The following FAM174C variants were observed in gnomAD, a reference collection of about 807,000 sequenced individuals.
FAM174C encodes family with sequence similarity 174 member C.
In FAM174C, 19 loss-of-function variants were observed where a neutral mutation model predicts 12.3. The ratio of observed to expected loss-of-function variants is 1.55; its 90% CI spans 1.08 to 2.27. The LOEUF (loss-of-function observed/expected upper bound fraction) is 2.27. Ranked by LOEUF, FAM174C falls within the 30% of genes most tolerant of loss-of-function variation. The pLI is 0.00. For synonymous variants in FAM174C, 147 were observed against 103.5 expected (o/e 1.42, Z -2.55); for missense variants, 239 against 190.2 (o/e 1.26, Z -1.51).
chr19:1,275,916 TCC>T, intron 1 of FAM174C, 86 bp downstream of exon 1: 1 of 1,182,056 alleles, frequency 8.5e-7, no homozygotes, highest in Non-Finnish European at 1.2e-6. Flanking sequence ...CGCGGGGTCC[TCC>T]CCTCCCTCCC....
intron 2 of FAM174C, among the ~76,000 whole-genome samples, chr19:1,278,374 T>C (rs543717862): frequency 2.6e-5 from 4 of 151,554 alleles, no homozygotes; most frequent in Non-Finnish European, 5.9e-5. Flanking sequence ...CAGGGAATGA[T>C]GGGTATGTTG....
chr19:1,277,021 T>A (rs2081418551), intron 1 of FAM174C, 162 bp from the exon 2 acceptor site: 1 of 1,117,198 alleles, frequency 9.0e-7, no homozygotes, highest in Non-Finnish European at 1.2e-6. Flanking sequence ...TGAATGGTAA[T>A]CACTTGGCGA....
chr19:1,277,011 T>TG (rs1213240219), intron 1 of FAM174C, 172 bp from the exon 2 acceptor site: 11 of 1,021,884 alleles, frequency 1.1e-5, no homozygotes, highest in Non-Finnish European at 1.5e-5. Context: ...GCCATGGGAG[T>TG]GAATGGTAAT....
rs2081428757 is a variant in FAM174C, at chr19:1,279,155, A to G, written c.*378A>G. On this transcript the variant is annotated 3_prime_UTR_variant, in exon 3 of 3. Coordinates refer to ENST00000409293, the MANE Select transcript of FAM174C (RefSeq NM_017914.4). The stretch of plus-strand genomic sequence containing the variant: ...AGCCCAGAGCCAAGGCTGGGTGGGC[A>G]GGTGACCCAAGGAACCTTTCTGGGA... 6.2e-7 allele frequency: 1 copy of G among 1,612,910 alleles called. No individual in the cohort carries two copies. The highest frequency in any genetic ancestry group is 1.3e-5 in the African/African-American group (1 of 74,938).
Position 1,278,809 on chromosome 19 carries a change from C to T in FAM174C, c.*32C>T, listed in dbSNP as rs1419385558. On this transcript the variant is annotated 3_prime_UTR_variant, in exon 3 of 3. Coordinates refer to ENST00000409293, the MANE Select transcript of FAM174C (RefSeq NM_017914.4). ...GCCAGGGAGGCGGCCCTTCCAGCAG[C>T]CATGAGGGAAGGACAGGAGATGGGG... The T allele has an allele frequency of 1.2e-6, 2 of 1,613,032 alleles. No homozygotes were observed. The highest frequency in any genetic ancestry group is 1.7e-6 in the Non-Finnish European group (2 of 1,179,902).
Position 1,278,757 on chromosome 19 carries a change from C to T in FAM174C, c.*-20C>T. 1.9e-6 allele frequency: 3 copies of T among 1,611,936 alleles called. No individual in the cohort carries two copies. Among genetic ancestry groups the T allele is most frequent in the Non-Finnish European group, 2.5e-6 (3 of 1,179,756 alleles). ...GGGCCCTTCACTCCTTCCCTCTCAC[C>T]CTTGACCCCCTGCTTTCAGATGCTG... On this transcript the variant is annotated intron_variant, in intron 2 of 2. Coordinates refer to ENST00000409293, the MANE Select transcript of FAM174C (RefSeq NM_017914.4).
Position 1,275,574 on chromosome 19 carries a change from C to CCGCTGCTGCTGCTCCTGCTGG in FAM174C, c.37_57dup (p.Leu13_Leu19dup), listed in dbSNP as rs1361518615. The CCGCTGCTGCTGCTCCTGCTGG allele has an allele frequency of 1.5e-5, 19 of 1,226,500 alleles. No homozygotes were observed. In the South Asian group the frequency reaches 2.6e-4, roughly 17 times the overall value. The allele number at this position is 1,226,500 out of a possible 1,614,324, so 76.0% of individuals were successfully genotyped here. On this transcript the variant is annotated inframe_insertion, in exon 1 of 3. Coordinates refer to ENST00000409293, the MANE Select transcript of FAM174C (RefSeq NM_017914.4). ...CATGGGGCCGCGCGTGCTGCAGCCG[C>CCGCTGCTGCTGCTCCTGCTGG]CGCTGCTGCTGCTCCTGCTGGCGCT...
chr19:1,279,191 G>T lies in FAM174C; in HGVS notation c.*414G>T. ...GGAACCTTTCTGGGAACACCTTCTC[G>T]CCGGGCTGGGAACAATAAATGCAGC... On this transcript the variant is annotated 3_prime_UTR_variant, in exon 3 of 3. Coordinates refer to ENST00000409293, the MANE Select transcript of FAM174C (RefSeq NM_017914.4). The T allele has an allele frequency of 6.2e-7, 1 of 1,611,574 alleles. No homozygotes were observed. The highest frequency in any genetic ancestry group is 1.7e-4 in the Middle Eastern group (1 of 6,056).
Position 1,277,292 on chromosome 19 carries a change from C to G in FAM174C, c.391C>G (p.Leu131Val), listed in dbSNP as rs1406717535. ...DEETVFESRN[L>V]R is the part of the protein sequence containing the mutation. The stretch of plus-strand genomic sequence containing the variant: ...GGAGACGGTGTTTGAGTCCCGGAAT[C>G]TGAGATGGTGTGCACCCTTCCCCAG... The change falls in exon 2 of 3, where the codon CTG becomes GTG. Residue 131 changes from leucine to valine, a missense_variant. Transcript: ENST00000409293. 2 of 1,547,740 alleles carry G rather than the reference C, an allele frequency of 1.3e-6. No individual in the cohort carries two copies. Among genetic ancestry groups the G allele is most frequent in the South Asian group, 1.2e-5 (1 of 83,978 alleles).
rs1042358634 is a variant in FAM174C, at chr19:1,275,597, G to T, written c.48G>T (p.Ala16=). Residue 16 remains alanine (A), a synonymous_variant, in exon 1 of 3, where the codon GCG becomes GCT. Transcript: ENST00000409293. ...CGCCGCTGCTGCTGCTCCTGCTGGC[G>T]CTGCTGCTGGCGGCGCTGCCGTGCG... The part of the protein sequence containing the change: ...LQPPLLLLLL[A]LLLAALPCGA... 2 of 1,247,280 alleles carry T rather than the reference G, an allele frequency of 1.6e-6. No individual in the cohort carries two copies. The highest frequency in any genetic ancestry group is 2.0e-6 in the Non-Finnish European group (2 of 998,582). The allele number at this position is 1,247,280 out of a possible 1,614,324, so 77.3% of individuals were successfully genotyped here.
chr19:1,276,113 C>G (rs1173274310), intron 1 of FAM174C: 2 of 476,562 alleles, frequency 4.2e-6, no homozygotes, highest in Non-Finnish European at 7.5e-6. Flanking sequence ...GGTGGGGCCA[C>G]TGAAGCCGGA....
intron 2 of FAM174C, 88 bp from the exon 3 acceptor site, chr19:1,278,689 G>A (rs2081426347): frequency 1.9e-6 from 3 of 1,575,206 alleles, no homozygotes; most frequent in Non-Finnish European, 2.6e-6. Flanking sequence ...TGGACAGGCT[G>A]CCTGCCCCTG....
At position 1,279,221 on chromosome 19, in the gene FAM174C, T is replaced by C; in HGVS notation, c.*444T>C. The C allele has an allele frequency of 6.2e-7, 1 of 1,601,386 alleles. No individual in the cohort carries two copies. Among genetic ancestry groups the C allele is most frequent in the Non-Finnish European group, 8.5e-7 (1 of 1,173,662 alleles). On this transcript the variant is annotated 3_prime_UTR_variant, in exon 3 of 3. Coordinates refer to ENST00000409293, the MANE Select transcript of FAM174C (RefSeq NM_017914.4). Reference sequence around the variant, plus strand: ...GCTGGGAACAATAAATGCAGCCATGTCTCTGCAGCTGGTGCTGACCCCATG... The same window carrying C: ...GCTGGGAACAATAAATGCAGCCATGCCTCTGCAGCTGGTGCTGACCCCATG...
At chr19:1,277,415 G>A (rs1297756518) in intron 2 of FAM174C, 116 bp downstream of exon 2, 4 of 1,436,890 alleles carry the variant, frequency 2.8e-6, no homozygotes, top group South Asian at 1.4e-5. Context: ...AGCTGACAGC[G>A]GTAGTCAGGC....
intron 2 of FAM174C, 46 bp from the exon 3 acceptor site, chr19:1,278,731 C>A: frequency 1.2e-6 from 2 of 1,608,280 alleles, no homozygotes. Flanking sequence ...CCCGGCAGGG[C>A]GGGCCCTTCA....
chr19:1,275,569 A>G lies in FAM174C; in HGVS notation c.20A>G (p.Gln7Arg). 8.2e-7 allele frequency: 1 copy of G among 1,214,402 alleles called. No homozygotes were observed. Among genetic ancestry groups the G allele is most frequent in the East Asian group, 3.4e-5 (1 of 29,580 alleles). 75.2% of individuals were successfully genotyped at this position (1,214,402 alleles called of 1,614,324 possible). A position where few individuals can be genotyped will look rare whatever the true frequency, so the allele number is the denominator to read the frequency against. ...CGGGCCATGGGGCCGCGCGTGCTGC[A>G]GCCGCCGCTGCTGCTGCTCCTGCTG... MGPRVL[Q>R]PPLLLLLLAL... The change falls in exon 1 of 3, where the codon CAG (glutamine) becomes CGG (arginine). Residue 7 changes from glutamine (Q) to arginine (R), a missense_variant. Coordinates refer to ENST00000409293, the MANE Select transcript of FAM174C (RefSeq NM_017914.4).
rs780657132 is a variant in FAM174C at position 1,279,058 on chromosome 19, C to T, written c.*281C>T. ...AAGACTGGAGGGACCCCAACAGCCA[C>T]CGCCCAGGACGCTGAGGCTCCCTTG... is the stretch of plus-strand genomic sequence containing the variant. On this transcript the variant is annotated 3_prime_UTR_variant, in exon 3 of 3. Transcript: ENST00000409293. The T allele has an allele frequency of 3.1e-6, 5 of 1,611,886 alleles. No individual in the cohort carries two copies. Among genetic ancestry groups the T allele is most frequent in the Admixed American group, 1.7e-5 (1 of 60,002 alleles).
chr19:1,277,272 C>A lies in FAM174C; in HGVS notation c.371C>A (p.Thr124Lys). 1 of 1,549,000 alleles carries A rather than the reference C, an allele frequency of 6.5e-7. No homozygotes were observed. Reference sequence around the variant, plus strand: ...GCCTCGCTGGACAGCGACGAGGAGACGGTGTTTGAGTCCCGGAATCTGAGA... The same window carrying A: ...GCCTCGCTGGACAGCGACGAGGAGAAGGTGTTTGAGTCCCGGAATCTGAGA... ...EMASLDSDEETVFESRNLR is the reference protein window; with the variant it reads ...EMASLDSDEEKVFESRNLR Residue 124 changes from threonine (T) to lysine (K), a missense_variant, in exon 2 of 3, where the codon ACG becomes AAG. By Grantham distance (78) the Thr-to-Lys change is moderately conservative. Transcript: ENST00000409293.
At position 1,278,863 on chromosome 19, in the gene FAM174C, T is replaced by C. The variant is rs564786703; in HGVS notation, c.*86T>C. The C allele has an allele frequency of 1.9e-6, 3 of 1,612,978 alleles. No homozygotes were observed. The highest frequency in any genetic ancestry group is 2.7e-5 in the African/African-American group (2 of 75,020). ...ACCCCAGTGCCCAGCAACCCCCTGC[T>C]CCACCGCTCATTCCCCTGCTGGCCC... On this transcript the variant is annotated 3_prime_UTR_variant, in exon 3 of 3. Coordinates refer to ENST00000409293, the MANE Select transcript of FAM174C (RefSeq NM_017914.4).
Sources: allele counts gnomAD v4.1 joint callset (sites outside exome capture counted in the v4.1 genomes callset), GRCh38; gene constraint gnomAD v4.1.1; transcripts MANE v1.5; gene names NCBI Gene and HGNC (gene_info 2026-07-23, HGNC 2026-07-21).